The following WWOX variants were observed in gnomAD, a reference collection of about 807,000 sequenced individuals.
WWOX encodes the protein WW domain containing oxidoreductase.
WWOX carries 69 observed loss-of-function variants against 46.2 expected under a neutral mutation model. The ratio of observed to expected loss-of-function variants is 1.49; its 90% CI spans 1.23 to 1.82. The LOEUF is 1.82. Among genes scored for constraint, WWOX ranks in the 40% most tolerant of loss-of-function variants. WWOX has a pLI of 0.00. For synonymous variants in WWOX, 359 were observed against 202.6 expected (o/e 1.77, Z -6.56); for missense variants, 919 against 542.6 (o/e 1.69, Z -6.89).
intron 8 of WWOX, among the ~76,000 whole-genome samples, chr16:78,750,228 C>T (rs975216958): frequency 1.3e-5 from 2 of 152,174 alleles, no homozygotes; most frequent in Non-Finnish European, 2.9e-5. Context: ...CTGCCCAGGT[C>T]AGCTGGTGGG....
chr16:79,128,381 AAAAAC>A (rs2049804893), intron 8 of WWOX, among the ~76,000 whole-genome samples: 2 of 151,280 alleles, frequency 1.3e-5, no homozygotes, highest in African/African-American at 4.9e-5. Context: ...ACAAAAAACA[AAAAAC>A]AAAAAAAAAA....
chr16:78,581,102 T>C (rs961957333), intron 8 of WWOX, among the ~76,000 whole-genome samples: 1 of 152,226 alleles, frequency 6.6e-6, no homozygotes, highest in Non-Finnish European at 1.5e-5. Flanking sequence ...GGTTATTTTC[T>C]GTTCTTAATC....
At chr16:78,433,906 C>G (rs908734798) in intron 8 of WWOX, among the ~76,000 whole-genome samples, 1 of 150,118 alleles carries the variant, frequency 6.7e-6, no homozygotes, top group Admixed American at 6.7e-5. Flanking sequence ...TCTCCTGCCT[C>G]AGCCTCCCAA....
chr16:78,463,583 A>G (rs182068945), intron 8 of WWOX, among the ~76,000 whole-genome samples: 66 of 152,312 alleles, frequency 4.3e-4, no homozygotes, highest in South Asian at 8.3e-4. Context: ...GAAAAATGAG[A>G]TGAGGTAATG....
chr16:78,825,892 C>G (rs967877820), intron 8 of WWOX: 8 of 691,464 alleles, frequency 1.2e-5, no homozygotes, highest in African/African-American at 8.8e-5. Flanking sequence ...CTCTGCCTGA[C>G]CACGTGAGCA....
At chr16:78,753,976 A>G (rs1029003911) in intron 8 of WWOX, among the ~76,000 whole-genome samples, 1 of 150,232 alleles carries the variant, frequency 6.7e-6, no homozygotes, top group African/African-American at 2.4e-5. Context: ...CAATTTATCC[A>G]TCTCAAGAAA....
intron 8 of WWOX, among the ~76,000 whole-genome samples, chr16:78,669,029 G>T (rs1010671164): frequency 1.3e-5 from 2 of 152,194 alleles, no homozygotes; most frequent in African/African-American, 4.8e-5. Context: ...ACGGCTTCCT[G>T]AATAATACAG....
At chr16:78,386,132 T>G (rs1221392068) in intron 5 of WWOX, among the ~76,000 whole-genome samples, 1 of 152,220 alleles carries the variant, frequency 6.6e-6, no homozygotes, top group Non-Finnish European at 1.5e-5. Flanking sequence ...ATCTCTGTGA[T>G]CTCTTGTAAG....
intron 8 of WWOX, among the ~76,000 whole-genome samples, chr16:78,823,077 C>G (rs1478434282): frequency 6.6e-6 from 1 of 152,188 alleles, no homozygotes; most frequent in Non-Finnish European, 1.5e-5. Context: ...AGTTTGAATA[C>G]ACTTTCAGTA....
At chr16:78,428,740 G>A (rs9930616) in intron 7 of WWOX, among the ~76,000 whole-genome samples, 5,292 of 152,264 alleles carry the variant, frequency 0.035, 194 homozygotes, top group African/African-American at 0.094. Flanking sequence ...TATGATGATA[G>A]TGTATACCTG....
At chr16:78,154,161 G>A (rs572874294) in intron 4 of WWOX, among the ~76,000 whole-genome samples, 1 of 152,264 alleles carries the variant, frequency 6.6e-6, no homozygotes, top group South Asian at 2.1e-4. Context: ...GACTTAGGCA[G>A]TCCCTGGCTT....
At chr16:78,235,018 G>A (rs1237342667) in intron 5 of WWOX, among the ~76,000 whole-genome samples, 1 of 150,554 alleles carries the variant, frequency 6.6e-6, no homozygotes, top group Admixed American at 6.6e-5. Flanking sequence ...GTGGGGGAGA[G>A]GAAAAAGAAA....
chr16:78,588,519 G>C (rs1228257178), intron 8 of WWOX, among the ~76,000 whole-genome samples: 1 of 152,136 alleles, frequency 6.6e-6, no homozygotes, highest in Non-Finnish European at 1.5e-5. Flanking sequence ...CTTGTAGCAG[G>C]TCATGAAGAG....
chr16:78,448,776 C>G (rs1441477430), intron 8 of WWOX, among the ~76,000 whole-genome samples: 1 of 152,244 alleles, frequency 6.6e-6, no homozygotes, highest in East Asian at 1.9e-4. Context: ...GTGAACTTCC[C>G]GGAACCAGAG....
At chr16:78,493,796 G>A (rs557298464) in intron 8 of WWOX, among the ~76,000 whole-genome samples, 23 of 152,268 alleles carry the variant, frequency 1.5e-4, no homozygotes, top group Non-Finnish European at 2.9e-4. Context: ...GCATAGAGGT[G>A]GAATTGTTGT....
intron 8 of WWOX, among the ~76,000 whole-genome samples, chr16:78,669,538 C>G (rs1362001224): frequency 1.3e-5 from 2 of 152,190 alleles, no homozygotes; most frequent in African/African-American, 4.8e-5. Context: ...GTACCTACCA[C>G]AAAGAGTTAC....
intron 8 of WWOX, among the ~76,000 whole-genome samples, chr16:78,538,628 A>G (rs879203196): frequency 1.3e-5 from 2 of 152,202 alleles, no homozygotes; most frequent in Admixed American, 1.3e-4. Context: ...TATGCCTCCA[A>G]AGACTTTGTG....
At chr16:78,685,084 C>T (rs955390976) in intron 8 of WWOX, among the ~76,000 whole-genome samples, 3 of 152,140 alleles carry the variant, frequency 2.0e-5, no homozygotes, top group Admixed American at 1.3e-4. Flanking sequence ...CCTCTGAGAT[C>T]TTGCTTTTCA....
chr16:78,665,711 T>C (rs1392016683), intron 8 of WWOX, among the ~76,000 whole-genome samples: 1 of 152,046 alleles, frequency 6.6e-6, no homozygotes, highest in African/African-American at 2.4e-5. Flanking sequence ...GGCTTTAAGA[T>C]ACTTGCTCTG....
Sources: allele counts gnomAD v4.1 joint callset (sites outside exome capture counted in the v4.1 genomes callset), GRCh38; gene constraint gnomAD v4.1.1; transcripts MANE v1.5; gene names NCBI Gene and HGNC (gene_info 2026-07-23, HGNC 2026-07-21).